SNX9: variants seen among roughly 807,000 people sequenced by gnomAD.
SNX9 encodes sorting nexin-9.
In SNX9, 44 loss-of-function variants were observed where a neutral mutation model predicts 89.4. The observed-to-expected ratio is 0.49, with a 90% CI of 0.39 to 0.63. The LOEUF (loss-of-function observed/expected upper bound fraction) is 0.63, where lower values mean the gene tolerates loss of function less well. Among genes scored for constraint, SNX9 ranks in the 30% least tolerant of loss-of-function variants. The probability of loss-of-function intolerance (pLI) is 0.00; values close to 1 mark genes in which losing one functional copy is unlikely to be tolerated. For synonymous variants in SNX9, 236 were observed against 247.8 expected, an observed-to-expected ratio of 0.95 and a Z score of 0.45; for missense variants, 578 against 736.1, an observed-to-expected ratio of 0.79 and a Z score of 2.49.
intron 4 of SNX9, among the ~76,000 whole-genome samples, chr6:157,891,743 G>A (rs1295308774): frequency 6.6e-6 from 1 of 152,250 alleles, no homozygotes; most frequent in African/African-American, 2.4e-5. Flanking sequence ...CCAGCAGGCT[G>A]TGGGAAGGCC....
chr6:157,882,404 A>G (rs1278881674), intron 4 of SNX9, among the ~76,000 whole-genome samples: 1 of 152,242 alleles, frequency 6.6e-6, no homozygotes, highest in Non-Finnish European at 1.5e-5. Context: ...CTGCTAATAC[A>G]GCACTTATTC....
intron 1 of SNX9, among the ~76,000 whole-genome samples, chr6:157,841,737 C>A (rs1052889915): frequency 6.6e-5 from 10 of 152,298 alleles, no homozygotes; most frequent in African/African-American, 1.9e-4. Context: ...CCTGCTTCTG[C>A]TACGACAAGG....
chr6:157,873,526 T>C (rs1782457634), intron 3 of SNX9, among the ~76,000 whole-genome samples: 1 of 142,450 alleles, frequency 7.0e-6, no homozygotes, highest in African/African-American at 2.7e-5. Context: ...TATATGAAAT[T>C]ATATCTCAAT....
chr6:157,907,412 G>C (rs1475344401), intron 7 of SNX9, among the ~76,000 whole-genome samples: 1 of 152,152 alleles, frequency 6.6e-6, no homozygotes, highest in Non-Finnish European at 1.5e-5. Context: ...CTCCCGAGTA[G>C]CTGGGATTAC....
chr6:157,899,647 G>T (rs559320070), intron 5 of SNX9, among the ~76,000 whole-genome samples: 1 of 152,070 alleles, frequency 6.6e-6, no homozygotes, highest in Admixed American at 6.5e-5. Context: ...GGTGGCAGGC[G>T]CCTGTAGTCC....
intron 1 of SNX9, among the ~76,000 whole-genome samples, chr6:157,861,186 T>G (rs1203406994): frequency 6.6e-6 from 1 of 152,228 alleles, no homozygotes; most frequent in Non-Finnish European, 1.5e-5. Context: ...TTGGAAAAGA[T>G]CTTTTGCTAG....
intron 14 of SNX9, among the ~76,000 whole-genome samples, chr6:157,937,188 A>T (rs1783943548): frequency 6.6e-6 from 1 of 152,246 alleles, no homozygotes; most frequent in South Asian, 2.1e-4. Context: ...GGGCCACGTC[A>T]AAATAACTAA....
intron 1 of SNX9, among the ~76,000 whole-genome samples, chr6:157,841,116 G>T (rs1337263696): frequency 3.9e-5 from 6 of 152,204 alleles, no homozygotes; most frequent in African/African-American, 9.7e-5. Flanking sequence ...GAGAACTGGG[G>T]CAGAATGCTG....
chr6:157,850,630 GC>G (rs1272143426), intron 1 of SNX9, among the ~76,000 whole-genome samples: 1 of 152,102 alleles, frequency 6.6e-6, no homozygotes, highest in Non-Finnish European at 1.5e-5. Flanking sequence ...AAGGTCATGG[GC>G]CTGTTATGTA....
intron 1 of SNX9, among the ~76,000 whole-genome samples, chr6:157,836,499 T>A (rs1781585856): frequency 6.6e-6 from 1 of 152,140 alleles, no homozygotes. Flanking sequence ...TCTAACTAGC[T>A]GTATCACAGT....
At chr6:157,836,973 G>T (rs1164430824) in intron 1 of SNX9, among the ~76,000 whole-genome samples, 1 of 152,140 alleles carries the variant, frequency 6.6e-6, no homozygotes, top group African/African-American at 2.4e-5. Context: ...CTATTGTGAG[G>T]GATGGAAAAA....
At chr6:157,869,878 C>T (rs1382519903) in intron 2 of SNX9, among the ~76,000 whole-genome samples, 4 of 152,056 alleles carry the variant, frequency 2.6e-5, no homozygotes, top group African/African-American at 7.2e-5. Flanking sequence ...CACCCTTATG[C>T]GTGCACATGC....
chr6:157,920,773 G>T (rs1192625706), intron 9 of SNX9, among the ~76,000 whole-genome samples: 1 of 152,158 alleles, frequency 6.6e-6, no homozygotes, highest in East Asian at 1.9e-4. Flanking sequence ...GTTTTTGTTT[G>T]TAGGTTTATA....
intron 9 of SNX9, among the ~76,000 whole-genome samples, chr6:157,917,940 T>C (rs946287698): frequency 6.6e-6 from 1 of 152,200 alleles, no homozygotes; most frequent in African/African-American, 2.4e-5. Flanking sequence ...CCTGAATTTT[T>C]TTCTTTTGAC....
chr6:157,918,600 A>G (rs1408874141), intron 9 of SNX9, among the ~76,000 whole-genome samples: 1 of 152,124 alleles, frequency 6.6e-6, no homozygotes, highest in Non-Finnish European at 1.5e-5. Flanking sequence ...TGTATTTAAT[A>G]TAATTATTGA....
At chr6:157,933,381 G>A (rs957462189) in intron 13 of SNX9, among the ~76,000 whole-genome samples, 5 of 152,302 alleles carry the variant, frequency 3.3e-5, no homozygotes, top group East Asian at 1.9e-4. Flanking sequence ...GGTAGAATTG[G>A]TACAGGTGTT....
At chr6:157,918,235 ATCTC>A (rs779459271) in intron 9 of SNX9, among the ~76,000 whole-genome samples, 35 of 152,138 alleles carry the variant, frequency 2.3e-4, no homozygotes, top group Non-Finnish European at 4.9e-4. Context: ...TTAGTGGACT[ATCTC>A]TCCTTTTAAT....
intron 4 of SNX9, 107 bp downstream of exon 4, chr6:157,875,283 A>AAAAAAATAAGAGT: frequency 7.1e-7 from 1 of 1,405,742 alleles, no homozygotes; most frequent in Non-Finnish European, 9.4e-7. Flanking sequence ...CAAAAGCAAA[A>AAAAAAATAAGAGT]ACAAAGTCGC....
intron 4 of SNX9, among the ~76,000 whole-genome samples, chr6:157,888,050 C>T (rs1017498532): frequency 6.6e-6 from 1 of 151,776 alleles, no homozygotes; most frequent in Non-Finnish European, 1.5e-5. Flanking sequence ...GAGCACACAC[C>T]GGGAGACATT....
Sources: gnomAD v4.1 joint callset for allele counts (sites outside exome capture counted in the v4.1 genomes callset) on GRCh38, gnomAD v4.1.1 for gene constraint, MANE v1.5 for transcripts, NCBI Gene and HGNC (gene_info 2026-07-23, HGNC 2026-07-21) for gene names.